LDB2: variants seen among roughly 807,000 people sequenced by gnomAD.
The protein encoded by LDB2 is LIM domain binding 2.
Under a neutral mutation model 44.3 loss-of-function variants are expected in LDB2, and 12 were observed. The observed-to-expected ratio is 0.27, with a 90% confidence interval of 0.17 to 0.44. The LOEUF (loss-of-function observed/expected upper bound fraction) is 0.44. LDB2 is among the 20% of genes least tolerant of loss of function. The pLI is 1.00. For synonymous variants in LDB2, 164 were observed against 174.8 expected, an observed-to-expected ratio of 0.94 and a Z score of 0.49; for missense variants, 344 against 473.5, an observed-to-expected ratio of 0.73 and a Z score of 2.54.
At chr4:16,557,490 G>T (rs191406595) in intron 5 of LDB2, among the ~76,000 whole-genome samples, 1 of 152,208 alleles carries the variant, frequency 6.6e-6, no homozygotes, top group East Asian at 1.9e-4. Flanking sequence ...ACTGCAAGGC[G>T]GCGGCAGCGA....
chr4:16,702,624 C>A (rs1316374668), intron 2 of LDB2, among the ~76,000 whole-genome samples: 1 of 152,176 alleles, frequency 6.6e-6, no homozygotes, highest in Non-Finnish European at 1.5e-5. Context: ...TGATGTGGGT[C>A]ATCTTCCTCT....
intron 2 of LDB2, among the ~76,000 whole-genome samples, chr4:16,681,710 A>G (rs572192340): frequency 1.2e-3 from 169 of 137,658 alleles, no homozygotes; most frequent in African/African-American, 4.5e-3. Context: ...GGCTGGGACT[A>G]CAGACTCCCG....
chr4:16,591,521 T>C (rs534032663), intron 3 of LDB2, among the ~76,000 whole-genome samples: 1 of 152,250 alleles, frequency 6.6e-6, no homozygotes, highest in Admixed American at 6.5e-5. Flanking sequence ...GATGTTTTCT[T>C]TAAGGAAAAA....
intron 5 of LDB2, among the ~76,000 whole-genome samples, chr4:16,539,644 G>C (rs373947564): frequency 1.3e-5 from 2 of 152,128 alleles, no homozygotes; most frequent in African/African-American, 2.4e-5. Context: ...ACATAAACTT[G>C]TGCCAAATTT....
intron 2 of LDB2, among the ~76,000 whole-genome samples, chr4:16,747,908 C>G (rs549411990): frequency 1.3e-4 from 20 of 152,278 alleles, no homozygotes; most frequent in African/African-American, 4.1e-4. Flanking sequence ...GTAACAACCT[C>G]ATCCTGACAT....
chr4:16,741,348 A>G (rs1763193481), intron 2 of LDB2: 1 of 152,202 alleles, frequency 6.6e-6, no homozygotes, highest in African/African-American at 2.4e-5. Flanking sequence ...AAGGGGTGAA[A>G]AGGCTGCGAT....
chr4:16,736,051 C>A (rs755374225), intron 2 of LDB2, among the ~76,000 whole-genome samples: 7 of 152,168 alleles, frequency 4.6e-5, no homozygotes, highest in Non-Finnish European at 7.3e-5. Context: ...GTGTACCCAG[C>A]AGCACCAGCC....
chr4:16,797,494 AT>A (rs1462518694), intron 1 of LDB2, among the ~76,000 whole-genome samples: 5 of 152,306 alleles, frequency 3.3e-5, no homozygotes, highest in East Asian at 1.9e-4. Context: ...CTTAAAAAAA[AT>A]AAATGATGTC....
chr4:16,761,085 C>T (rs1481306725), intron 1 of LDB2, among the ~76,000 whole-genome samples: 4 of 151,924 alleles, frequency 2.6e-5, no homozygotes, highest in African/African-American at 4.8e-5. Context: ...CTTTATCTCC[C>T]AACCCCCAGA....
chr4:16,575,777 G>A (rs1033408997), intron 5 of LDB2, among the ~76,000 whole-genome samples: 1 of 152,222 alleles, frequency 6.6e-6, no homozygotes. Context: ...TCGCTCTGTT[G>A]CCTAGGCTGG....
At chr4:16,667,876 G>C (rs2152551268) in intron 2 of LDB2, among the ~76,000 whole-genome samples, 1 of 152,294 alleles carries the variant, frequency 6.6e-6, no homozygotes, top group South Asian at 2.1e-4. Context: ...GCCATGGCAT[G>C]GCATGTGTGG....
At chr4:16,711,115 A>C (rs550640598) in intron 2 of LDB2, among the ~76,000 whole-genome samples, 1 of 152,386 alleles carries the variant, frequency 6.6e-6, no homozygotes, top group African/African-American at 2.4e-5. Context: ...GGGATGGATA[A>C]TCATGTAAAC....
intron 1 of LDB2, among the ~76,000 whole-genome samples, chr4:16,797,093 G>A (rs1010966547): frequency 6.6e-6 from 1 of 152,156 alleles, no homozygotes; most frequent in African/African-American, 2.4e-5. Flanking sequence ...CTTGGTATAT[G>A]CAGAGAATTG....
intron 6 of LDB2, 92 bp downstream of exon 6, chr4:16,511,885 AAATT>A: frequency 7.3e-7 from 1 of 1,374,950 alleles, no homozygotes; most frequent in Non-Finnish European, 9.9e-7. Context: ...TTGTCCTGAT[AAATT>A]AATGATCACT....
chr4:16,744,023 T>C (rs1366065190), intron 2 of LDB2, among the ~76,000 whole-genome samples: 1 of 152,238 alleles, frequency 6.6e-6, no homozygotes, highest in African/African-American at 2.4e-5. Context: ...TAAAATATTT[T>C]GAAGATGATT....
At chr4:16,649,398 TGAGA>T (rs773807460) in intron 2 of LDB2, among the ~76,000 whole-genome samples, 1 of 151,738 alleles carries the variant, frequency 6.6e-6, no homozygotes, top group African/African-American at 2.4e-5. Flanking sequence ...TATTGGCATA[TGAGA>T]GAGAGAGAGA....
At chr4:16,637,175 T>A (rs1231070627) in intron 2 of LDB2, among the ~76,000 whole-genome samples, 1 of 152,222 alleles carries the variant, frequency 6.6e-6, no homozygotes, top group African/African-American at 2.4e-5. Context: ...ATTCTACTTT[T>A]GTGGAGTCTA....
Position 16,672,484 on chromosome 4 carries a change from T to C in LDB2, c.236-76609A>G, listed in dbSNP as rs539088247. Among the ~76,000 whole-genome samples, 23 of 152,148 alleles carry C rather than the reference T, an allele frequency of 1.5e-4. No individual in the cohort carries two copies. In the East Asian group the frequency reaches 4.1e-3, roughly 27 times the overall value. On this transcript the variant is annotated intron_variant, in intron 2 of 7. Coordinates refer to ENST00000304523, the MANE Select transcript of LDB2 (RefSeq NM_001290.5). ...CAACCCTTGCCCAGAGAGGCAAGAG[T>C]TAAATGGGAACTGAGCCCTTACTTT...
At chr4:16,713,944 C>A (rs1034582947) in intron 2 of LDB2, among the ~76,000 whole-genome samples, 11 of 152,120 alleles carry the variant, frequency 7.2e-5, no homozygotes, top group African/African-American at 2.7e-4. Context: ...TGTCTGAGAT[C>A]ATCAGAAATG....
Sources: allele counts gnomAD v4.1 joint callset (sites outside exome capture counted in the v4.1 genomes callset), GRCh38; gene constraint gnomAD v4.1.1; transcripts MANE v1.5; gene names NCBI Gene and HGNC (gene_info 2026-07-23, HGNC 2026-07-21).